The following LRPPRC variants were observed in gnomAD, a reference collection of about 807,000 sequenced individuals.
The protein encoded by LRPPRC is leucine rich pentatricopeptide repeat containing, also known as leucine-rich PPR motif-containing protein, mitochondrial.
LRPPRC carries 120 observed loss-of-function variants against 180.3 expected under a neutral mutation model. That is an observed-to-expected ratio of 0.67 (90% CI 0.57 to 0.77). The LOEUF is 0.77. LRPPRC is among the 30% of genes least tolerant of loss of function. The probability of loss-of-function intolerance (pLI) is 0.00; values close to 1 mark genes in which losing one functional copy is unlikely to be tolerated. For missense variants in LRPPRC, 2,012 were observed against 1,657.2 expected (o/e 1.21, Z -3.72); for synonymous variants, 723 against 600.0 (o/e 1.21, Z -3.00).
chr2:43,962,610 A>T (rs1673392984), intron 12 of LRPPRC, among the ~76,000 whole-genome samples: 1 of 152,200 alleles, frequency 6.6e-6, no homozygotes, highest in Non-Finnish European at 1.5e-5. Flanking sequence ...ACCTTTGCTA[A>T]TCCAATGCAC....
intron 12 of LRPPRC, 113 bp from the exon 13 acceptor site, chr2:43,960,747 A>G: frequency 1.4e-6 from 1 of 734,278 alleles, no homozygotes; most frequent in Non-Finnish European, 2.5e-6. Context: ...ATTTTCTAGA[A>G]AAATAGATAA....
chr2:43,950,623 G>A (rs372756890), intron 14 of LRPPRC, 23 bp from the exon 15 acceptor site: 15 of 1,604,632 alleles, frequency 9.3e-6, no homozygotes, highest in Non-Finnish European at 1.2e-5. Context: ...GCAAAGGATC[G>A]AAAATAAACC....
Position 43,913,625 on chromosome 2 carries a change from T to C in LRPPRC, c.3149-1067A>G, listed in dbSNP as rs545345300. Among the ~76,000 whole-genome samples the C allele has an allele frequency of 1.1e-4, 16 of 152,286 alleles. No homozygotes were observed. In the East Asian group the frequency reaches 2.9e-3, roughly 28 times the overall value. ...TAAGCTAAATTTGGAGAAAAAAATA[T>C]ACGGCAACATTTATATTTGCATCTT... On this transcript the variant is annotated intron_variant, in intron 29 of 37. Transcript: ENST00000260665.
intron 11 of LRPPRC, among the ~76,000 whole-genome samples, chr2:43,967,688 G>A (rs376260866): frequency 4.6e-5 from 7 of 152,060 alleles, no homozygotes; most frequent in Middle Eastern, 3.4e-3. Context: ...AGCGAGACTC[G>A]GTCTCAAATA....
At chr2:43,920,334 C>T (rs1287391854) in intron 27 of LRPPRC, among the ~76,000 whole-genome samples, 1 of 152,168 alleles carries the variant, frequency 6.6e-6, no homozygotes, top group Non-Finnish European at 1.5e-5. Flanking sequence ...CAGGGTTTCA[C>T]CATGTTGGCC....
In LRPPRC at chr2:43,946,252, C is replaced by T. The variant is rs1192710211; in HGVS notation, c.2080-9G>A. The T allele has an allele frequency of 4.4e-6, 7 of 1,606,188 alleles. No individual in the cohort carries two copies. The highest frequency in any genetic ancestry group is 2.2e-5 in the East Asian group (1 of 44,694). On this transcript the variant is annotated splice_polypyrimidine_tract_variant and intron_variant, in intron 20 of 37. Transcript: ENST00000260665. ...AGGGCTTTTTGCATATTCTAAAATA[C>T]AGCATAGATGTGAAAAAGAAGAAAT...
chr2:43,984,213 G>T (rs756808283), intron 1 of LRPPRC, among the ~76,000 whole-genome samples: 1 of 152,132 alleles, frequency 6.6e-6, no homozygotes, highest in Admixed American at 6.5e-5. Context: ...AACATGTCAA[G>T]TTTGGAGGAG....
At chr2:43,901,295 G>A (rs976060898) in intron 32 of LRPPRC, 25 bp downstream of exon 32, 23 of 1,595,130 alleles carry the variant, frequency 1.4e-5, no homozygotes, top group African/African-American at 6.7e-5. Flanking sequence ...ACCAATGAAG[G>A]AAAAGAAGGC....
rs777809590 is a variant in LRPPRC, at chr2:43,905,717, C to G, written c.3339G>C (p.Thr1113=). Residue 1113 remains threonine (T), a synonymous_variant, in exon 31 of 38, where the codon ACG becomes ACC. Coordinates refer to ENST00000260665, the MANE Select transcript of LRPPRC (RefSeq NM_133259.4). ...NDAANSRLII[T]QVRRDYLKEA... ...CTTTCAAATAATCCCGCCTAACTTG[C>G]GTTATGATGAGGCGGCTGTTGGCAG... 1.2e-6 allele frequency: 2 copies of G among 1,613,664 alleles called. No individual in the cohort carries two copies. Among genetic ancestry groups the G allele is most frequent in the Admixed American group, 3.3e-5 (2 of 60,024 alleles).
intron 29 of LRPPRC, among the ~76,000 whole-genome samples, chr2:43,917,169 T>C: frequency 6.6e-6 from 1 of 150,758 alleles, no homozygotes; most frequent in South Asian, 2.1e-4. Context: ...TCCTCCCGAG[T>C]AGCTGCGATG....
chr2:43,891,629 A>G (rs560112884), intron 36 of LRPPRC, among the ~76,000 whole-genome samples: 25 of 152,244 alleles, frequency 1.6e-4, no homozygotes, highest in Non-Finnish European at 2.9e-4. Context: ...GATGCTGACT[A>G]GTAATTCTCC....
rs1670799634 is a variant in LRPPRC at position 43,899,205 on chromosome 2, T to G, written c.3825+14A>C. On this transcript the variant is annotated intron_variant, in intron 34 of 37. Transcript: ENST00000260665. Reference sequence around the variant, plus strand: ...GCCTCGAGCCCCACTGCTCCATGAGTGGAGGGTCATTACCTGTAGGAGAGC... The same window carrying G: ...GCCTCGAGCCCCACTGCTCCATGAGGGGAGGGTCATTACCTGTAGGAGAGC... The G allele has an allele frequency of 6.3e-7, 1 of 1,584,344 alleles. No individual in the cohort carries two copies. Among genetic ancestry groups the G allele is most frequent in the Non-Finnish European group, 8.7e-7 (1 of 1,153,148 alleles).
At chr2:43,927,247 T>A (rs544946769) in intron 25 of LRPPRC, among the ~76,000 whole-genome samples, 4 of 152,372 alleles carry the variant, frequency 2.6e-5, no homozygotes, top group African/African-American at 7.2e-5. Context: ...AAACCAGGTA[T>A]CCCTTGAATC....
At chr2:43,908,141 A>C (rs372163401) in intron 30 of LRPPRC, among the ~76,000 whole-genome samples, 5 of 152,342 alleles carry the variant, frequency 3.3e-5, no homozygotes, top group African/African-American at 1.2e-4. Flanking sequence ...GAGGAACGAC[A>C]GAAAATCAAG....
intron 25 of LRPPRC, among the ~76,000 whole-genome samples, chr2:43,927,632 G>A (rs980372120): frequency 1.7e-4 from 26 of 152,080 alleles, no homozygotes; most frequent in African/African-American, 5.8e-4. Context: ...TTCAGAACAC[G>A]GCAAAATGCA....
At chr2:43,934,162 A>AAT in intron 25 of LRPPRC, 28 bp downstream of exon 25, 2 of 1,273,380 alleles carry the variant, frequency 1.6e-6, no homozygotes, top group Non-Finnish European at 2.3e-6. Flanking sequence ...ATAGCTCTAC[A>AAT]ATTAGAACAC....
chr2:43,901,756 G>C (rs935081182), intron 31 of LRPPRC: 5 of 515,546 alleles, frequency 9.7e-6, no homozygotes, highest in African/African-American at 1.9e-5. Context: ...AAGTCACAGA[G>C]AAAATACAAA....
At chr2:43,986,689 A>G (rs1442487689) in intron 1 of LRPPRC, among the ~76,000 whole-genome samples, 1 of 151,834 alleles carries the variant, frequency 6.6e-6, no homozygotes, top group African/African-American at 2.4e-5. Flanking sequence ...CAGGGTTAGC[A>G]CTCAGACGGT....
At chr2:43,919,415 T>C (rs1339328680) in intron 27 of LRPPRC, among the ~76,000 whole-genome samples, 1 of 152,222 alleles carries the variant, frequency 6.6e-6, no homozygotes, top group Non-Finnish European at 1.5e-5. Context: ...TTTCACTTAG[T>C]TGAATAGAGA....
Sources: gnomAD v4.1 joint callset for allele counts (sites outside exome capture counted in the v4.1 genomes callset) on GRCh38, gnomAD v4.1.1 for gene constraint, MANE v1.5 for transcripts, NCBI Gene and HGNC (gene_info 2026-07-23, HGNC 2026-07-21) for gene names.